Variants in TANC2 observed in about 807,000 individuals in gnomAD.
The protein encoded by TANC2 is tetratricopeptide repeat, ankyrin repeat and coiled-coil containing 2, also known as protein TANC2.
In TANC2, 26 loss-of-function variants were observed where a neutral mutation model predicts 210.5. That is an observed-to-expected ratio of 0.12 (90% CI 0.09 to 0.17). TANC2 has a LOEUF of 0.17. Ranked by LOEUF, TANC2 falls within the 10% of genes least tolerant of loss-of-function variation. The pLI is 1.00. For missense variants in TANC2, 2,129 were observed against 2,608.9 expected, an observed-to-expected ratio of 0.82 and a Z score of 4.01; for synonymous variants, 931 against 967.1, an observed-to-expected ratio of 0.96 and a Z score of 0.69.
intron 26 of TANC2, among the ~76,000 whole-genome samples, chr17:63,417,423 C>T (rs1413813758): frequency 2.0e-5 from 3 of 152,082 alleles, no homozygotes; most frequent in Admixed American, 6.5e-5. Flanking sequence ...CGTTGTTCCC[C>T]ACCCCACCCC....
chr17:63,197,594 A>T (rs2041386923), intron 6 of TANC2: 1 of 152,234 alleles, frequency 6.6e-6, no homozygotes, highest in Non-Finnish European at 1.5e-5. Context: ...TTTCTGCAAA[A>T]AAAACAAAGC....
chr17:63,142,209 C>T (rs981606120), intron 4 of TANC2, among the ~76,000 whole-genome samples: 4 of 152,254 alleles, frequency 2.6e-5, no homozygotes, highest in South Asian at 2.1e-4. Context: ...TTAGGATTCA[C>T]CAGTGGTGAC....
chr17:63,421,451 G>A lies in TANC2; in HGVS notation c.5721G>A (p.Leu1907=), dbSNP rs781713644. 7.4e-6 allele frequency: 12 copies of A among 1,613,988 alleles called. No homozygotes were observed. The highest frequency in any genetic ancestry group is 1.7e-5 in the Admixed American group (1 of 60,014). The change falls in exon 28 of 28, where the codon CTG becomes CTA. Residue 1907 remains leucine (L), a synonymous_variant. Transcript: ENST00000689528. This position sits in a 1 kb window ranked among gnomAD's most constrained non-coding sequence, Gnocchi z 6.9. ...CATATGAGAGGTCATGTGACGAGCT[G>A]TCGCCAGTGTCTCCAACTCAAGGAG...
intron 12 of TANC2, among the ~76,000 whole-genome samples, chr17:63,351,010 A>T (rs945962643): frequency 6.6e-6 from 1 of 152,140 alleles, no homozygotes; most frequent in East Asian, 1.9e-4. Context: ...GAGATTTCTG[A>T]AAATGATGAT....
chr17:63,242,478 A>G (rs1397288916), intron 8 of TANC2, among the ~76,000 whole-genome samples: 3 of 152,076 alleles, frequency 2.0e-5, no homozygotes, highest in Non-Finnish European at 2.9e-5. Flanking sequence ...TTCCATATCC[A>G]TGGATATGGA....
chr17:62,979,613 T>TA (rs981028288), intron 1 of TANC2, among the ~76,000 whole-genome samples: 1 of 152,200 alleles, frequency 6.6e-6, no homozygotes, highest in African/African-American at 2.4e-5. Context: ...TCTGTACTTT[T>TA]AAAAAATGTG....
intron 5 of TANC2, among the ~76,000 whole-genome samples, chr17:63,184,233 T>A (rs1432461931): frequency 6.6e-6 from 1 of 152,186 alleles, no homozygotes; most frequent in East Asian, 1.9e-4. Context: ...TGATATTTAG[T>A]ATCCCTCATC....
chr17:63,380,553 A>G (rs2047573429), intron 15 of TANC2, among the ~76,000 whole-genome samples: 1 of 152,258 alleles, frequency 6.6e-6, no homozygotes, highest in Non-Finnish European at 1.5e-5. Flanking sequence ...GTTAACCCAC[A>G]AAAGTGGAGA....
chr17:62,966,589 C>T lies in TANC2; in HGVS notation c.-184C>T, dbSNP rs1212919563. ...GGGCTGCGCTCGCCGGCTGCGAGGC[C>T]CCGCCGCGCCGTTCCGGGGTGCAGA... On this transcript the variant is annotated 5_prime_UTR_variant, in exon 1 of 28. Transcript: ENST00000689528. This position sits in a 1 kb window ranked among gnomAD's most constrained non-coding sequence, Gnocchi z 5.1. Among the ~76,000 whole-genome samples the T allele has an allele frequency of 6.6e-6, 1 of 151,260 alleles. No individual in the cohort carries two copies. Among genetic ancestry groups the T allele is most frequent in the South Asian group, 2.1e-4 (1 of 4,832 alleles).
chr17:63,103,943 G>A (rs1019270426), intron 4 of TANC2, among the ~76,000 whole-genome samples: 1 of 152,096 alleles, frequency 6.6e-6, no homozygotes, highest in South Asian at 2.1e-4. Flanking sequence ...AATGTCTTGT[G>A]GAGGATAATA....
chr17:63,235,509 T>G (rs2042596826), intron 7 of TANC2, among the ~76,000 whole-genome samples: 1 of 152,114 alleles, frequency 6.6e-6, no homozygotes, highest in African/African-American at 2.4e-5. Flanking sequence ...ATTTTCCCTC[T>G]TCCCACTTCT....
chr17:62,988,425 A>G (rs948193648), intron 1 of TANC2, among the ~76,000 whole-genome samples: 1 of 151,400 alleles, frequency 6.6e-6, no homozygotes, highest in African/African-American at 2.4e-5. Context: ...GGCGTGAGCC[A>G]CTGTGCCTGG....
At chr17:63,383,368 C>T (rs4968643) in intron 15 of TANC2, among the ~76,000 whole-genome samples, 91,055 of 152,016 alleles carry the variant, frequency 0.6, 29,774 homozygotes, top group African/African-American at 0.86. Context: ...ATTCCTCTCC[C>T]CTTACCCTCC....
intron 14 of TANC2, among the ~76,000 whole-genome samples, chr17:63,361,446 G>A (rs540726907): frequency 2.0e-5 from 3 of 152,358 alleles, no homozygotes; most frequent in Admixed American, 2.0e-4. Context: ...CTGCAGCAGG[G>A]CAGGCAACTC....
chr17:63,025,057 T>G (rs139575579), intron 2 of TANC2, among the ~76,000 whole-genome samples: 95 of 152,348 alleles, frequency 6.2e-4, no homozygotes, highest in African/African-American at 2.3e-3. Context: ...TAGAAACATA[T>G]TAAATATGTC....
chr17:63,053,966 T>G (rs1275475294), intron 2 of TANC2, among the ~76,000 whole-genome samples: 2 of 152,328 alleles, frequency 1.3e-5, no homozygotes, highest in Admixed American at 1.3e-4. Flanking sequence ...AGCCTCTTAA[T>G]TGGTCTCTCT....
intron 5 of TANC2, chr17:63,154,276 GT>G (rs1036531262): frequency 2.6e-5 from 4 of 152,112 alleles, no homozygotes; most frequent in African/African-American, 9.7e-5. Flanking sequence ...AGCAGGATTT[GT>G]TGTTCAGCTC....
chr17:63,140,576 C>T (rs1029049397), intron 4 of TANC2, among the ~76,000 whole-genome samples: 2 of 152,206 alleles, frequency 1.3e-5, no homozygotes, highest in African/African-American at 4.8e-5. Context: ...AACTGCACAA[C>T]AGCTGGTAAT....
At chr17:63,076,959 A>G (rs1416207338) in intron 3 of TANC2, among the ~76,000 whole-genome samples, 3 of 152,244 alleles carry the variant, frequency 2.0e-5, no homozygotes, top group Non-Finnish European at 4.4e-5. Context: ...AAGAAACACC[A>G]GAGAAAATGG....
Sources: gnomAD v4.1 joint callset for allele counts (sites outside exome capture counted in the v4.1 genomes callset) on GRCh38, gnomAD v4.1.1 for gene constraint, Gnocchi (gnomAD v3.1) non-coding constraint, MANE v1.5 for transcripts, NCBI Gene and HGNC (gene_info 2026-07-23, HGNC 2026-07-21) for gene names.